The following HR variants were observed in gnomAD, a reference collection of about 807,000 sequenced individuals.
HR encodes the protein HR lysine demethylase and nuclear receptor corepressor.
In HR, 83 loss-of-function variants were observed where a neutral mutation model predicts 128.6. The ratio of observed to expected loss-of-function variants is 0.65; its 90% CI spans 0.54 to 0.77. The LOEUF is 0.77. Among genes scored for constraint, HR ranks in the 30% least tolerant of loss-of-function variants. The probability of loss-of-function intolerance (pLI) is 0.00; values close to 1 mark genes in which losing one functional copy is unlikely to be tolerated. For missense variants in HR, 1,490 were observed against 1,574.6 expected, an observed-to-expected ratio of 0.95 and a Z score of 0.91; for synonymous variants, 681 against 658.2, an observed-to-expected ratio of 1.03 and a Z score of -0.53.
chr8:22,119,599 C>T (rs1032916117), intron 14 of HR, among the ~76,000 whole-genome samples, 161 bp downstream of exon 14: 7 of 150,638 alleles, frequency 4.6e-5, no homozygotes, highest in Non-Finnish European at 7.4e-5. Context: ...AAGAGCAAAA[C>T]TCCGTCTCAA....
intron 1 of HR, among the ~76,000 whole-genome samples, chr8:22,130,219 G>A (rs941024160): frequency 2.0e-5 from 3 of 152,258 alleles, no homozygotes; most frequent in Admixed American, 6.5e-5. Context: ...CAGGCGGGAG[G>A]TGACGGCGCA....
chr8:22,127,005 GC>G, intron 3 of HR, 31 bp downstream of exon 3: 1 of 1,068,568 alleles, frequency 9.4e-7, no homozygotes, highest in Non-Finnish European at 1.4e-6. Context: ...CCCCTCCCAC[GC>G]AGGGCCTGCA....
Position 22,120,138 on chromosome 8 carries a change from G to A in HR, c.2812C>T (p.Leu938=). Residue 938 remains leucine (L), a synonymous_variant, in exon 13 of 19, where the codon CTG becomes TTG. Coordinates refer to ENST00000381418, the MANE Select transcript of HR (RefSeq NM_005144.5). ...PKSDEGSVLL[L]HRALGDEDTS... ...TCCTCATCCCCCAAAGCTCGGTGCA[G>A]CAGGAGGACAGAGCCCTCGTCTGAC... 1 of 1,593,726 alleles carries A rather than the reference G, an allele frequency of 6.3e-7. No homozygotes were observed. The highest frequency in any genetic ancestry group is 8.5e-7 in the Non-Finnish European group (1 of 1,170,942).
Position 22,120,132 on chromosome 8 carries a change from G to A in HR, c.2818C>T (p.Arg940Ter), listed in dbSNP as rs761216172. ...CTGGTGTCCTCATCCCCCAAAGCTCGGTGCAGCAGGAGGACAGAGCCCTCG... is the reference window on the plus strand; with the variant it reads ...CTGGTGTCCTCATCCCCCAAAGCTCAGTGCAGCAGGAGGACAGAGCCCTCG... Reference protein sequence around the residue: ...SDEGSVLLLHRALGDEDTSRV... With the variant: ...SDEGSVLLLH Residue 940 changes from arginine (R) to a stop codon, truncating the protein, a stop_gained, in exon 13 of 19, where the codon CGA becomes TGA. Transcript: ENST00000381418. LOFTEE classifies it high-confidence loss of function. 8 of 1,592,982 alleles carry A rather than the reference G, an allele frequency of 5.0e-6. No homozygotes were observed. Among genetic ancestry groups the A allele is most frequent in the South Asian group, 1.1e-5 (1 of 87,746 alleles).
chr8:22,125,773 G>C (rs1364619529), intron 3 of HR, 41 bp from the exon 4 acceptor site: 1 of 1,609,684 alleles, frequency 6.2e-7, no homozygotes, highest in East Asian at 2.2e-5. Context: ...GGGTTTCTTG[G>C]GCTGCTGAGA....
chr8:22,129,103 A>G lies in HR; in HGVS notation c.68T>C (p.Ile23Thr). The G allele has an allele frequency of 6.4e-7, 1 of 1,571,546 alleles. No individual in the cohort carries two copies. The highest frequency in any genetic ancestry group is 1.4e-5 in the African/African-American group (1 of 73,532). The change falls in exon 2 of 19, where the codon ATC becomes ACC. Residue 23 changes from isoleucine to threonine, a missense_variant. Ile to Thr is a moderately conservative substitution (Grantham distance 89, BLOSUM62 -1). This residue lies in a region of HR where 1,060 missense variants were observed against 1,060.9 expected (regional missense o/e 1.00). Coordinates refer to ENST00000381418, the MANE Select transcript of HR (RefSeq NM_005144.5). ...CGGGCTGCCGGGCTCCTGTCTCACG[A>G]TGCCGTTCTCTGGGGCCGTCTTCTC... ...TWEKTAPENG[I>T]VRQEPGSPPR...
At position 22,119,274 on chromosome 8, in the gene HR, G is replaced by A. The variant is rs149278871; in HGVS notation, c.2987C>T (p.Pro996Leu). Residue 996 changes from proline to leucine, a missense_variant, in exon 15 of 19, where the codon CCG (proline) becomes CTG (leucine). By Grantham distance (98) the Pro-to-Leu change is moderately conservative. Around this residue, in one of 3 missense-constraint regions of HR, gnomAD observed 423 missense variants for 495.9 expected, o/e 0.85. Coordinates refer to ENST00000381418, the MANE Select transcript of HR (RefSeq NM_005144.5). ...CTTGGTCCCCAGGTGTCCCCGGTGC[G>A]GGCTCACACCTGCATGGCAATAGAG... ...PQLWAAYGVS[P>L]HRGHLGTKNL... is the part of the protein sequence containing the mutation. 8.1e-5 allele frequency: 131 copies of A among 1,613,462 alleles called. No homozygotes were observed. Among genetic ancestry groups the A allele is most frequent in the Non-Finnish European group, 1.0e-4 (119 of 1,180,032 alleles).
At position 22,127,041 on chromosome 8, in the gene HR, C is replaced by G; in HGVS notation, c.1401G>C (p.Gln467His). The G allele has an allele frequency of 1.2e-6, 2 of 1,611,964 alleles. No homozygotes were observed. Among genetic ancestry groups the G allele is most frequent in the Non-Finnish European group, 1.7e-6 (2 of 1,179,600 alleles). The change falls in exon 3 of 19, where the codon CAG becomes CAC. Residue 467 changes from glutamine to histidine, a missense_variant. By Grantham distance (24) the Gln-to-His change is conservative. This residue lies in a region of HR where 1,060 missense variants were observed against 1,060.9 expected (regional missense o/e 1.00). Coordinates refer to ENST00000381418, the MANE Select transcript of HR (RefSeq NM_005144.5). Reference protein sequence around the residue: ...KDVDSGQHDEQKGPQDGQASL... With the variant: ...KDVDSGQHDEHKGPQDGQASL... ...AGCCCCTCCTGGCCCCCTTACCTTT[C>G]TGCTCATCATGCTGTCCCGAGTCCA...
chr8:22,120,876 C>G lies in HR; in HGVS notation c.2450G>C (p.Gly817Ala). ...RKIQEKALGP[G>A]LRAGPGLRKG... ...GCGCAGACCCGGGCCAGCTCGAAGC[C>G]CCGGCCCCAGGGCTTTCTCCTGGAT... The change falls in exon 11 of 19, where the codon GGG becomes GCG. Residue 817 changes from glycine (G) to alanine (A), a missense_variant. Transcript: ENST00000381418. 1 of 1,553,298 alleles carries G rather than the reference C, an allele frequency of 6.4e-7. No individual in the cohort carries two copies. The highest frequency in any genetic ancestry group is 8.7e-7 in the Non-Finnish European group (1 of 1,148,396).
chr8:22,120,512 G>A lies in HR; in HGVS notation c.2611-5C>T. Reference sequence around the variant, plus strand: ...GATCCCTGACACCAACACAGGCTGTGGTGGGAAAGGAAGGAGGCCATGAGG... The same window carrying A: ...GATCCCTGACACCAACACAGGCTGTAGTGGGAAAGGAAGGAGGCCATGAGG... On this transcript the variant is annotated splice_region_variant and splice_polypyrimidine_tract_variant and intron_variant, in intron 11 of 18. Coordinates refer to ENST00000381418, the MANE Select transcript of HR (RefSeq NM_005144.5). 6.2e-7 allele frequency: 1 copy of A among 1,613,652 alleles called. No homozygotes were observed. The highest frequency in any genetic ancestry group is 8.5e-7 in the Non-Finnish European group (1 of 1,180,020).
chr8:22,118,832 A>T, intron 16 of HR, 118 bp downstream of exon 16: 1 of 831,842 alleles, frequency 1.2e-6, no homozygotes, highest in South Asian at 1.6e-5. Flanking sequence ...GGGTCTGTGC[A>T]GCTCACCTGA....
At chr8:22,125,806 C>T in intron 3 of HR, 74 bp from the exon 4 acceptor site, 7 of 1,520,532 alleles carry the variant, frequency 4.6e-6, no homozygotes, top group South Asian at 2.4e-5. Flanking sequence ...ACCTTAGCGC[C>T]CACCCCATCC....
At chr8:22,128,480 A>T in intron 2 of HR, 79 bp downstream of exon 2, 1 of 1,579,718 alleles carries the variant, frequency 6.3e-7, no homozygotes, top group Non-Finnish European at 8.6e-7. Flanking sequence ...TTTTCATCAC[A>T]GTGGAAGGGC....
chr8:22,119,923 C>T, intron 13 of HR, 33 bp from the exon 14 acceptor site: 1 of 1,612,444 alleles, frequency 6.2e-7, no homozygotes, highest in Non-Finnish European at 8.5e-7. Context: ...CCAGCAGGCC[C>T]AACCTGGGCA....
chr8:22,118,932 T>C lies in HR; in HGVS notation c.3213+18A>G, dbSNP rs894468094. ...GGCTGGGCGGGGGGAAGGGGAGGGC[T>C]CCCGGCTGCCTCCTCACCATCTGGA... On this transcript the variant is annotated intron_variant, in intron 16 of 18. Transcript: ENST00000381418. The C allele has an allele frequency of 1.2e-6, 2 of 1,603,608 alleles. No individual in the cohort carries two copies. Among genetic ancestry groups the C allele is most frequent in the Admixed American group, 1.7e-5 (1 of 59,986 alleles).
chr8:22,122,758 T>A lies in HR; in HGVS notation c.2005+32A>T, dbSNP rs747667877. On this transcript the variant is annotated intron_variant, in intron 7 of 18. Transcript: ENST00000381418. ...AGCTGGTCTCCCTCAGGACCCAACC[T>A]CTGCACGCCCCACCCCTCCAAGATG... 1.2e-4 allele frequency: 180 copies of A among 1,543,934 alleles called. 1 individual carries two copies. Among genetic ancestry groups the A allele is most frequent in the Non-Finnish European group, 2.3e-5 (26 of 1,141,600 alleles).
At chr8:22,119,331 A>G in intron 14 of HR, 48 bp from the exon 15 acceptor site, 2 of 1,611,484 alleles carry the variant, frequency 1.2e-6, no homozygotes, top group Non-Finnish European at 1.7e-6. Context: ...TCAGAGAGCC[A>G]GGCGCGGTTG....
At chr8:22,126,140 G>A (rs1335876764) in intron 3 of HR, among the ~76,000 whole-genome samples, 1 of 152,132 alleles carries the variant, frequency 6.6e-6, no homozygotes, top group Non-Finnish European at 1.5e-5. Flanking sequence ...CGGAAGGTGA[G>A]AAGGGCCAGA....
intron 14 of HR, 78 bp downstream of exon 14, chr8:22,119,682 A>C: frequency 2.0e-6 from 3 of 1,509,548 alleles, no homozygotes; most frequent in Non-Finnish European, 2.7e-6. Context: ...GGGCCTTGGC[A>C]CAGACGCTCG....
Sources: allele counts gnomAD v4.1 joint callset (sites outside exome capture counted in the v4.1 genomes callset), GRCh38; gene constraint gnomAD v4.1.1; regional missense constraint gnomAD v4.1.1; transcripts MANE v1.5; gene names NCBI Gene and HGNC (gene_info 2026-07-23, HGNC 2026-07-21).